The following ZNF44 variants were observed in gnomAD, a reference collection of about 807,000 sequenced individuals.
The protein encoded by ZNF44 is gonadotropin inducible transcription repressor-2.
ZNF44 carries 9 observed loss-of-function variants against 11.7 expected under a neutral mutation model. The observed-to-expected ratio is 0.77, with a 90% CI of 0.46 to 1.35. ZNF44 has a LOEUF of 1.35. Among genes scored for constraint, ZNF44 ranks in the 40% most tolerant of loss-of-function variants. The probability of loss-of-function intolerance (pLI) is 0.00; values close to 1 mark genes in which losing one functional copy is unlikely to be tolerated. For synonymous variants in ZNF44, 224 were observed against 242.7 expected, an observed-to-expected ratio of 0.92 and a Z score of 0.72; for missense variants, 696 against 743.1, an observed-to-expected ratio of 0.94 and a Z score of 0.74.
At chr19:12,262,676 A>G (rs1437028162) in intron 5 of ZNF44, among the ~76,000 whole-genome samples, 6 of 152,172 alleles carry the variant, frequency 3.9e-5, no homozygotes, top group South Asian at 2.1e-4. Context: ...GAGAACTTCA[A>G]TGCACTCATC....
chr19:12,231,723 A>G (rs1916172202), intron 2 of ZNF44, among the ~76,000 whole-genome samples: 1 of 152,084 alleles, frequency 6.6e-6, no homozygotes, highest in East Asian at 1.9e-4. Flanking sequence ...GCATCTAAAC[A>G]AACAACTATT....
chr19:12,248,916 C>T (rs930165841), intron 7 of ZNF44, among the ~76,000 whole-genome samples: 6 of 146,328 alleles, frequency 4.1e-5, no homozygotes, highest in African/African-American at 1.0e-4. Context: ...TTTTTTGAGA[C>T]GGAGTCTCAC....
chr19:12,273,441 C>T lies in ZNF44; in HGVS notation c.814G>A (p.Glu272Lys), dbSNP rs1967062861. The T allele has an allele frequency of 1.2e-6, 2 of 1,614,098 alleles. No individual in the cohort carries two copies. The change falls in exon 4 of 4, where the codon GAA becomes AAA. Residue 272 changes from glutamate to lysine, a missense_variant. By Grantham distance (56) the Glu-to-Lys change is moderately conservative. Coordinates refer to ENST00000355684, the MANE Select transcript of ZNF44 (RefSeq NM_016264.4). ...GGTTTCTCTCCAGTGTGAGTTCTTTCATGTCTTAGATATGAACTGTAATCA... is the reference window on the plus strand; with the variant it reads ...GGTTTCTCTCCAGTGTGAGTTCTTTTATGTCTTAGATATGAACTGTAATCA... ...FPDYSSYLRH[E>K]RTHTGEKPYK...
At chr19:12,292,213 G>A (rs988859618) in intron 1 of ZNF44, among the ~76,000 whole-genome samples, 1 of 151,872 alleles carries the variant, frequency 6.6e-6, no homozygotes, top group Non-Finnish European at 1.5e-5. Context: ...CAGCTACTCC[G>A]GAGGCTGAGC....
intron 1 of ZNF44, among the ~76,000 whole-genome samples, chr19:12,280,872 A>G (rs1367417777): frequency 6.6e-6 from 1 of 152,110 alleles, no homozygotes; most frequent in Non-Finnish European, 1.5e-5. Context: ...TTTCATAATG[A>G]TCAAGAAGTC....
intron 1 of ZNF44, among the ~76,000 whole-genome samples, chr19:12,294,421 G>A (rs1480741257): frequency 2.0e-5 from 3 of 152,264 alleles, no homozygotes; most frequent in Non-Finnish European, 4.4e-5. Context: ...CTGGGGAGAA[G>A]CGGGGCTGAG....
At chr19:12,228,720 G>A (rs1916025552) in intron 3 of ZNF44, among the ~76,000 whole-genome samples, 1 of 151,974 alleles carries the variant, frequency 6.6e-6, no homozygotes, top group Non-Finnish European at 1.5e-5. Context: ...AAAGATACCA[G>A]TCCTTTCCCA....
At chr19:12,275,632 C>T (rs368942146) in intron 2 of ZNF44, among the ~76,000 whole-genome samples, 1 of 151,786 alleles carries the variant, frequency 6.6e-6, no homozygotes, top group African/African-American at 2.4e-5. Flanking sequence ...GGCGACAGAG[C>T]AAGACTCCAT....
chr19:12,290,958 C>T (rs1967985184), intron 1 of ZNF44: 1 of 194,654 alleles, frequency 5.1e-6, no homozygotes. Flanking sequence ...ATAAAACAAA[C>T]AAACAAAACT....
At position 12,288,193 on chromosome 19, in the gene ZNF44, T is replaced by A. The variant is rs79920567; in HGVS notation, c.3+6499A>T. Among the ~76,000 whole-genome samples, 1,186 of 152,270 alleles carry A rather than the reference T, an allele frequency of 7.8e-3. 76 individuals carry two copies. The East Asian group carries it at 0.15, about 19-fold the overall frequency. ...TAGGGACCACCCTTTTAACCAAATG[T>A]GTATAAAACCAACAACTCTACTATC... On this transcript the variant is annotated intron_variant, in intron 1 of 3. Coordinates refer to ENST00000355684, the MANE Select transcript of ZNF44 (RefSeq NM_016264.4).
chr19:12,275,819 T>A, intron 2 of ZNF44, 137 bp downstream of exon 2: 1 of 1,131,380 alleles, frequency 8.8e-7, no homozygotes, highest in Non-Finnish European at 1.2e-6. Context: ...TACAACAGGT[T>A]GGGGCCTGGC....
At chr19:12,265,374 C>T (rs1361613283) in intron 5 of ZNF44, among the ~76,000 whole-genome samples, 1 of 151,322 alleles carries the variant, frequency 6.6e-6, no homozygotes, top group Admixed American at 6.6e-5. Flanking sequence ...GAGAGGGAGA[C>T]ACTGTCTCAA....
downstream of ZNF44, among the ~76,000 whole-genome samples, chr19:12,243,438 T>C (rs1031367194): frequency 6.6e-6 from 1 of 152,262 alleles, no homozygotes; most frequent in South Asian, 2.1e-4. Flanking sequence ...CATGAAGTAT[T>C]TGCCTATGTC....
At position 12,260,213 on chromosome 19, in the gene ZNF44, G is replaced by A. The variant is rs879201995; in HGVS notation, c.1913-9845C>T. On this transcript the variant is annotated intron_variant and NMD_transcript_variant, in intron 5 of 7. Transcript: ENST00000393337. ...ATGCCGACCTACAGCACCAAGCCCA[G>A]TAACTTGAAGGCCCCAGCTCCTTCC... The A allele has an allele frequency of 2.6e-6, 2 of 779,218 alleles. 1 individual carries two copies. Among genetic ancestry groups the A allele is most frequent in the South Asian group, 2.7e-5 (2 of 73,198 alleles). The allele number at this position is 779,218 out of a possible 1,614,324, so 48.3% of individuals were successfully genotyped here. A position where few individuals can be genotyped will look rare whatever the true frequency, so the allele number is the denominator to read the frequency against.
chr19:12,243,746 TTG>T (rs56191085), downstream of ZNF44, among the ~76,000 whole-genome samples: 20,956 of 152,028 alleles, frequency 0.14, 1,515 homozygotes, highest in African/African-American at 0.17. Flanking sequence ...AACCTCCATA[TTG>T]TTTTTCACAA....
At chr19:12,248,733 T>A in intron 7 of ZNF44, 1 of 1,019,548 alleles carries the variant, frequency 9.8e-7, no homozygotes, top group Non-Finnish European at 1.3e-6. Context: ...TTTCTCTTTA[T>A]TAACTGATAC....
chr19:12,272,661 A>G lies in ZNF44; in HGVS notation c.1594T>C (p.Tyr532His), dbSNP rs1354301332. ...GCTTTCCTGCATTGCTTACATTCAT[A>G]TGGCTTCTCTGCCGTGTGAGTCCTT... The part of the protein sequence containing the change: ...HERTHTAEKP[Y>H]ECKQCRKAFF... Residue 532 changes from tyrosine (Y) to histidine (H), a missense_variant, in exon 4 of 4, where the codon TAT (tyrosine) becomes CAT (histidine). By Grantham distance (83) the Tyr-to-His change is moderately conservative (BLOSUM62 2). Coordinates refer to ENST00000355684, the MANE Select transcript of ZNF44 (RefSeq NM_016264.4). 2 of 1,613,716 alleles carry G rather than the reference A, an allele frequency of 1.2e-6. No homozygotes were observed. The highest frequency in any genetic ancestry group is 1.3e-5 in the African/African-American group (1 of 74,886).
rs367755886 is a variant in ZNF44, at chr19:12,273,669, G to A, written c.586C>T (p.Pro196Ser). The change falls in exon 4 of 4, where the codon CCT becomes TCT. Residue 196 changes from proline to serine, a missense_variant. By Grantham distance (74) the Pro-to-Ser change is moderately conservative. Transcript: ENST00000355684. ...TTCCCACACAATTCACATTTATAAGGTCCATCTCCACCTTTTACTACCATA... is the reference window on the plus strand; with the variant it reads ...TTCCCACACAATTCACATTTATAAGATCCATCTCCACCTTTTACTACCATA... Reference protein sequence around the residue: ...RHMVVKGGDGPYKCELCGKAF... With the variant: ...RHMVVKGGDGSYKCELCGKAF... 1.2e-6 allele frequency: 2 copies of A among 1,614,030 alleles called. No individual in the cohort carries two copies. The highest frequency in any genetic ancestry group is 2.7e-5 in the African/African-American group (2 of 74,918).
chr19:12,265,259 G>A (rs181478968), intron 5 of ZNF44, among the ~76,000 whole-genome samples: 357 of 152,106 alleles, frequency 2.3e-3, no homozygotes, highest in Non-Finnish European at 4.3e-3. Flanking sequence ...TTAGCTGGGT[G>A]TGGTGGTCCC....
Sources: gnomAD v4.1 joint callset for allele counts (sites outside exome capture counted in the v4.1 genomes callset) on GRCh38, gnomAD v4.1.1 for gene constraint, MANE v1.5 for transcripts, NCBI Gene and HGNC (gene_info 2026-07-23, HGNC 2026-07-21) for gene names.